MUSK: variants seen among roughly 807,000 people sequenced by gnomAD.
The protein encoded by MUSK is muscle associated receptor tyrosine kinase.
Under a neutral mutation model 88.7 loss-of-function variants are expected in MUSK, and 55 were observed. The ratio of observed to expected loss-of-function variants is 0.62; its 90% confidence interval spans 0.50 to 0.78. The LOEUF is 0.78. Ranked by LOEUF, MUSK falls within the 30% of genes least tolerant of loss-of-function variation. The pLI, the probability that MUSK is intolerant of heterozygous loss-of-function variation, is 0.00. For synonymous variants in MUSK, 387 were observed against 391.9 expected, an observed-to-expected ratio of 0.99 and a Z score of 0.15; for missense variants, 1,015 against 1,074.3, an observed-to-expected ratio of 0.94 and a Z score of 0.77.
In MUSK at chr9:110,668,910, A is replaced by T. The variant is rs2075922199; in HGVS notation, c.6A>T (p.Arg2Ser). 6.2e-7 allele frequency: 1 copy of T among 1,613,346 alleles called. No homozygotes were observed. The highest frequency in any genetic ancestry group is 1.1e-5 in the South Asian group (1 of 91,076). ...TGCGTGAGCCTGGATTAATCATGAG[A>T]GAGCTCGTCAACATTCCACTGGTAC... is the stretch of plus-strand genomic sequence containing the variant. M[R>S]ELVNIPLVHI... Residue 2 changes from arginine (R) to serine (S), a missense_variant, in exon 1 of 15, where the codon AGA (arginine) becomes AGT (serine). Arg to Ser is a moderately radical substitution (Grantham distance 110). Coordinates refer to ENST00000374448, the MANE Select transcript of MUSK (RefSeq NM_005592.4).
chr9:110,689,779 GT>G lies in MUSK; in HGVS notation c.358+2514del, dbSNP rs1271492881. On this transcript the variant is annotated intron_variant, in intron 3 of 14. Transcript: ENST00000374448. ...ATATAAACTATATATATCACATATA[GT>G]TTATATATTTTTTAATATATAATAT... Among the ~76,000 whole-genome samples, 94 of 32,640 alleles carry G rather than the reference GT, an allele frequency of 2.9e-3. 4 individuals carry two copies. Among genetic ancestry groups the G allele is most frequent in the African/African-American group, 7.5e-3 (64 of 8,582 alleles). The allele number at this position is 32,640 out of a possible 152,430, so 21.4% of individuals were successfully genotyped here. A position where few individuals can be genotyped will look rare whatever the true frequency, so the allele number is the denominator to read the frequency against.
intron 8 of MUSK, among the ~76,000 whole-genome samples, chr9:110,766,962 G>A (rs144389788): frequency 1.3e-5 from 2 of 152,344 alleles, no homozygotes; most frequent in Non-Finnish European, 2.9e-5. Flanking sequence ...GATGTGTGAA[G>A]AGAGTACCAA....
chr9:110,727,980 A>G (rs1243991829), intron 5 of MUSK, among the ~76,000 whole-genome samples: 1 of 152,128 alleles, frequency 6.6e-6, no homozygotes, highest in African/African-American at 2.4e-5. Flanking sequence ...ATTTTGGAAC[A>G]ATTAATTTGG....
chr9:110,785,367 A>G (rs1408107671), intron 12 of MUSK, among the ~76,000 whole-genome samples, 160 bp from the exon 13 acceptor site: 1 of 152,176 alleles, frequency 6.6e-6, no homozygotes, highest in Non-Finnish European at 1.5e-5. Flanking sequence ...TCTAGACCAA[A>G]CAAAATATTT....
intron 1 of MUSK, among the ~76,000 whole-genome samples, chr9:110,672,942 A>G (rs959094381): frequency 3.3e-5 from 5 of 152,188 alleles, no homozygotes; most frequent in African/African-American, 1.2e-4. Context: ...GATTGTGTTC[A>G]TTTTCATGTA....
intron 1 of MUSK, among the ~76,000 whole-genome samples, chr9:110,680,638 G>A (rs1312300481): frequency 2.6e-5 from 4 of 151,362 alleles, no homozygotes; most frequent in South Asian, 4.2e-4. Flanking sequence ...TGCCCTCCTC[G>A]GCCTCCCAAA....
At position 110,668,965 on chromosome 9, in the gene MUSK, A is replaced by G. The variant is rs747473837; in HGVS notation, c.61A>G (p.Thr21Ala). Residue 21 changes from threonine (T) to alanine (A), a missense_variant, in exon 1 of 15, where the codon ACT becomes GCT. Thr to Ala is a moderately conservative substitution (Grantham distance 58). Coordinates refer to ENST00000374448, the MANE Select transcript of MUSK (RefSeq NM_005592.4). ...HILTLVAFSG[T>A]EKLPKAPVIT... ...TCTTACTCTGGTTGCCTTCAGCGGAACTGAGAAACTTCCAAAAGGTTGGTT... is the reference window on the plus strand; with the variant it reads ...TCTTACTCTGGTTGCCTTCAGCGGAGCTGAGAAACTTCCAAAAGGTTGGTT... 6.2e-7 allele frequency: 1 copy of G among 1,613,644 alleles called. No individual in the cohort carries two copies. The highest frequency in any genetic ancestry group is 1.1e-5 in the South Asian group (1 of 91,074).
intron 1 of MUSK, among the ~76,000 whole-genome samples, chr9:110,672,411 AACATTT>A (rs1253099242): frequency 6.6e-6 from 1 of 152,162 alleles, no homozygotes; most frequent in Non-Finnish European, 1.5e-5. Flanking sequence ...CCCTGACCTG[AACATTT>A]ACTGCACTAT....
At chr9:110,797,326 T>C (rs1322271168) in intron 14 of MUSK, among the ~76,000 whole-genome samples, 5 of 151,884 alleles carry the variant, frequency 3.3e-5, no homozygotes, top group Non-Finnish European at 7.4e-5. Context: ...AAAGGATTTT[T>C]AGAGTTAGGG....
chr9:110,783,724 G>T (rs1283931314), intron 11 of MUSK, among the ~76,000 whole-genome samples: 1 of 151,384 alleles, frequency 6.6e-6, no homozygotes, highest in Non-Finnish European at 1.5e-5. Context: ...ATTATCTTTT[G>T]TTTTCTGTAG....
chr9:110,746,159 G>A (rs1337542631), intron 6 of MUSK, among the ~76,000 whole-genome samples: 2 of 152,142 alleles, frequency 1.3e-5, no homozygotes, highest in Non-Finnish European at 2.9e-5. Flanking sequence ...TAAAGTCAAA[G>A]CATAACACCA....
intron 6 of MUSK, among the ~76,000 whole-genome samples, chr9:110,739,650 G>T (rs1474910802): frequency 6.6e-6 from 1 of 152,130 alleles, no homozygotes; most frequent in Admixed American, 6.5e-5. Context: ...ACCTTTCTTT[G>T]GAATGTGTAG....
chr9:110,711,258 T>TA (rs71492899), intron 5 of MUSK, among the ~76,000 whole-genome samples: 20,373 of 151,966 alleles, frequency 0.13, 1,797 homozygotes, highest in Non-Finnish European at 0.19. Context: ...ATAATAATAA[T>TA]AAAAAAAATT....
At chr9:110,740,602 A>G (rs2077084954) in intron 6 of MUSK, among the ~76,000 whole-genome samples, 1 of 152,170 alleles carries the variant, frequency 6.6e-6, no homozygotes, top group Non-Finnish European at 1.5e-5. Context: ...AAAACTAAAA[A>G]ACAGATAGCC....
chr9:110,788,559 G>A (rs540907775), intron 14 of MUSK, among the ~76,000 whole-genome samples: 1 of 151,788 alleles, frequency 6.6e-6, no homozygotes, highest in Non-Finnish European at 1.5e-5. Flanking sequence ...TTACACCGGG[G>A]GGGCAGAGGT....
At chr9:110,697,608 G>C in intron 5 of MUSK, 142 bp downstream of exon 5, 1 of 852,338 alleles carries the variant, frequency 1.2e-6, no homozygotes, top group Non-Finnish European at 1.6e-6. Context: ...ATAAGTTCAA[G>C]CGTATGATAA....
intron 7 of MUSK, among the ~76,000 whole-genome samples, chr9:110,756,540 T>TAA (rs145365346): frequency 0.025 from 3,538 of 143,856 alleles, 138 homozygotes; most frequent in African/African-American, 0.085. Flanking sequence ...GTAATATTAT[T>TAA]AAAAAAAAAA....
chr9:110,726,911 A>T (rs1415320388), intron 5 of MUSK, among the ~76,000 whole-genome samples: 1 of 152,082 alleles, frequency 6.6e-6, no homozygotes, highest in Non-Finnish European at 1.5e-5. Flanking sequence ...TGATTGAGGT[A>T]TGTGATACAG....
chr9:110,674,548 T>C (rs2076000012), intron 1 of MUSK, among the ~76,000 whole-genome samples: 1 of 152,148 alleles, frequency 6.6e-6, no homozygotes, highest in African/African-American at 2.4e-5. Flanking sequence ...CTATATGCCT[T>C]TCTATATGTG....
Sources: allele counts gnomAD v4.1 joint callset (sites outside exome capture counted in the v4.1 genomes callset), GRCh38; gene constraint gnomAD v4.1.1; transcripts MANE v1.5; gene names NCBI Gene and HGNC (gene_info 2026-07-23, HGNC 2026-07-21).